ZNF324B: variants seen among roughly 807,000 people sequenced by gnomAD.
ZNF324B encodes the protein zinc finger protein 324B.
ZNF324B carries 7 observed loss-of-function variants against 10.6 expected under a neutral mutation model. The ratio of observed to expected loss-of-function variants is 0.66; its 90% CI spans 0.38 to 1.24. ZNF324B has a LOEUF of 1.24. ZNF324B is among the 50% of genes most tolerant of loss of function. The pLI is 0.02. For synonymous variants in ZNF324B, 316 were observed against 321.0 expected (o/e 0.98, Z 0.17); for missense variants, 640 against 764.7 (o/e 0.84, Z 1.92).
the ZNF324B span, chr19:58,445,346 T>C: frequency 1.2e-5 from 6 of 500,924 alleles, no homozygotes; most frequent in African/African-American, 1.2e-4. Flanking sequence ...TTGCAGCTCC[T>C]GCCTTGATGT....
chr19:58,441,143 A>C, the ZNF324B span: 1 of 152,162 alleles, frequency 6.6e-6, no homozygotes, highest in Non-Finnish European at 1.5e-5. Flanking sequence ...GCGAGTGGAG[A>C]GCGTAAGAGG....
chr19:58,441,064 C>G, the ZNF324B span: 3 of 152,486 alleles, frequency 2.0e-5, no homozygotes, highest in African/African-American at 7.2e-5. Context: ...GAGGAGGGAT[C>G]TGCATATGCG....
chr19:58,454,154 C>G, intron 2 of ZNF324B, 74 bp from the exon 3 acceptor site: 1 of 977,010 alleles, frequency 1.0e-6, no homozygotes, highest in Non-Finnish European at 1.6e-6. Context: ...TCCATGAAGC[C>G]CTGACTCCTG....
In ZNF324B at chr19:58,456,135, C is replaced by T. The variant is rs772292443; in HGVS notation, c.1191C>T (p.Phe397=). Residue 397 remains phenylalanine, a synonymous_variant, in exon 4 of 4, where the codon TTC becomes TTT. Coordinates refer to ENST00000336614, the MANE Select transcript of ZNF324B (RefSeq NM_207395.3). This position sits in a 1 kb window ranked among gnomAD's most constrained non-coding sequence, Gnocchi z 4.7. ...GTACGCACACAGGCGAGAAGCCCTTCGTATGCGCGCTCTGCGGTGCTGCCT... is the reference window on the plus strand; with the variant it reads ...GTACGCACACAGGCGAGAAGCCCTTTGTATGCGCGCTCTGCGGTGCTGCCT... ...HERTHTGEKP[F]VCALCGAAFS... is the part of the protein sequence containing the mutation. 1.4e-5 allele frequency: 23 copies of T among 1,613,432 alleles called. No individual in the cohort carries two copies. In the African/African-American group the frequency reaches 2.8e-4, roughly 20 times the overall value.
chr19:58,451,518 G>A (rs2052855847), upstream of ZNF324B: 5 of 466,218 alleles, frequency 1.1e-5, no homozygotes, highest in African/African-American at 6.1e-5. Context: ...CCTCCGCGCC[G>A]AAAAACAGGC....
At chr19:58,424,226 G>C in the ZNF324B span, among the ~76,000 whole-genome samples, 1 of 152,100 alleles carries the variant, frequency 6.6e-6, no homozygotes, top group East Asian at 1.9e-4. Flanking sequence ...TCCAGCCTGG[G>C]CAACAAGAGT....
At chr19:58,440,554 T>TG in the ZNF324B span, 1 of 152,380 alleles carries the variant, frequency 6.6e-6, no homozygotes, top group Non-Finnish European at 1.5e-5. Flanking sequence ...GGAGGCTCCC[T>TG]GGGCCCATGG....
intron 1 of ZNF324B, chr19:58,453,412 G>C (rs2052881198): frequency 1.9e-6 from 1 of 520,840 alleles, no homozygotes; most frequent in Admixed American, 3.2e-5. Context: ...TGGATATTTG[G>C]GGCTGCCCTT....
chr19:58,456,487 T>C lies in ZNF324B; in HGVS notation c.1543T>C (p.Cys515Arg), dbSNP rs1383447490. Residue 515 changes from cysteine (C) to arginine (R), a missense_variant, in exon 4 of 4, where the codon TGC becomes CGC. This residue lies in a region of ZNF324B where 238 missense variants were observed against 258.0 expected (regional missense o/e 0.92). Transcript: ENST00000336614. This position sits in a 1 kb window ranked among gnomAD's most constrained non-coding sequence, Gnocchi z 4.7. ...GAAGACCAATGCCGCAGCACCAGAC[T>C]GCACCCCGGGGCCAGGTTTCCTTCA... The part of the protein sequence containing the change: ...TEKTNAAAPD[C>R]TPGPGFLQGH... 6.2e-7 allele frequency: 1 copy of C among 1,614,054 alleles called. No homozygotes were observed. Among genetic ancestry groups the C allele is most frequent in the Non-Finnish European group, 8.5e-7 (1 of 1,179,990 alleles).
chr19:58,455,446 C>T lies in ZNF324B; in HGVS notation c.502C>T (p.Pro168Ser), dbSNP rs2052906256. The T allele has an allele frequency of 3.7e-6, 6 of 1,614,120 alleles. No individual in the cohort carries two copies. The highest frequency in any genetic ancestry group is 5.1e-6 in the Non-Finnish European group (6 of 1,179,984). Residue 168 changes from proline (P) to serine (S), a missense_variant, in exon 4 of 4, where the codon CCC becomes TCC. Around this residue, in one of 3 missense-constraint regions of ZNF324B, gnomAD observed 345 missense variants for 387.9 expected, o/e 0.89. Coordinates refer to ENST00000336614, the MANE Select transcript of ZNF324B (RefSeq NM_207395.3). This position sits in a 1 kb window ranked among gnomAD's most constrained non-coding sequence, Gnocchi z 7.0. The part of the protein sequence containing the change: ...ISLRLTSPLR[P>S]PKSSRPREKT... ...CCTGCGACTGACCTCCCCACTCAGG[C>T]CCCCCAAGAGCAGCCGGCCCAGGGA... is the stretch of plus-strand genomic sequence containing the variant.
the ZNF324B span, chr19:58,434,663 C>G: frequency 1.2e-4 from 186 of 1,614,084 alleles, no homozygotes; most frequent in Non-Finnish European, 1.5e-4. Flanking sequence ...AATGGTATCT[C>G]TTCAGAGTGA....
At chr19:58,443,370 C>G in the ZNF324B span, 1 of 152,276 alleles carries the variant, frequency 6.6e-6, no homozygotes, top group Non-Finnish European at 1.5e-5. Context: ...GACCCAGAAG[C>G]CCAGCCGGCT....
upstream of ZNF324B, among the ~76,000 whole-genome samples, chr19:58,447,823 T>C (rs1002420019): frequency 1.3e-5 from 2 of 152,174 alleles, no homozygotes; most frequent in Non-Finnish European, 1.5e-5. Context: ...CAGTGGGAGA[T>C]AAGTGAGTCA....
chr19:58,449,656 G>A (rs993874784), upstream of ZNF324B, among the ~76,000 whole-genome samples: 9 of 152,220 alleles, frequency 5.9e-5, no homozygotes, highest in Admixed American at 3.3e-4. Context: ...TTTAAGATTC[G>A]ACTGTCCTGC....
At chr19:58,445,992 G>A in the ZNF324B span, 28 of 156,230 alleles carry the variant, frequency 1.8e-4, no homozygotes, top group Middle Eastern at 3.2e-3. Flanking sequence ...AAAATTAGCC[G>A]GGCATGGTGG....
At chr19:58,454,204 G>T in intron 2 of ZNF324B, 24 bp from the exon 3 acceptor site, 2 of 1,537,516 alleles carry the variant, frequency 1.3e-6, no homozygotes, top group Non-Finnish European at 9.0e-7. Context: ...CTGGGGCTGG[G>T]CTCTCACCTG....
At chr19:58,430,501 C>T in the ZNF324B span, 1 of 152,196 alleles carries the variant, frequency 6.6e-6, no homozygotes, top group Non-Finnish European at 1.5e-5. Flanking sequence ...ATTTGTTGCC[C>T]ATAACTCTCT....
chr19:58,421,818 T>G, the ZNF324B span, among the ~76,000 whole-genome samples: 4 of 152,208 alleles, frequency 2.6e-5, no homozygotes, highest in Admixed American at 2.0e-4. Context: ...CCTAAGTAAA[T>G]GAGGACATTT....
At chr19:58,439,889 A>C in the ZNF324B span, 6 of 1,487,858 alleles carry the variant, frequency 4.0e-6, 1 homozygote, top group South Asian at 6.3e-5. Context: ...TGACGGTCGC[A>C]CTCAGGACCT....
Sources: allele counts gnomAD v4.1 joint callset (sites outside exome capture counted in the v4.1 genomes callset), GRCh38; gene constraint gnomAD v4.1.1; regional missense constraint gnomAD v4.1.1; non-coding constraint Gnocchi (gnomAD v3.1); transcripts MANE v1.5; gene names NCBI Gene and HGNC (gene_info 2026-07-23, HGNC 2026-07-21).